The following TMEM132B variants were observed in gnomAD, a reference collection of about 807,000 sequenced individuals.
The protein encoded by TMEM132B is transmembrane protein 132B.
Under a neutral mutation model 90.8 loss-of-function variants are expected in TMEM132B, and 18 were observed. That is an observed-to-expected ratio of 0.20 (90% CI 0.14 to 0.29). The LOEUF is 0.29. Ranked by LOEUF, TMEM132B falls within the 10% of genes least tolerant of loss-of-function variation. The probability of loss-of-function intolerance (pLI) is 1.00; values close to 1 mark genes in which losing one functional copy is unlikely to be tolerated. For missense variants in TMEM132B, 1,096 were observed against 1,326.8 expected, an observed-to-expected ratio of 0.83 and a Z score of 2.70; for synonymous variants, 504 against 523.3, an observed-to-expected ratio of 0.96 and a Z score of 0.50.
chr12:125,347,608 A>T (rs1171178411), intron 1 of TMEM132B, among the ~76,000 whole-genome samples: 1 of 152,192 alleles, frequency 6.6e-6, no homozygotes, highest in East Asian at 1.9e-4. Context: ...ATGGAGTGGG[A>T]TTTCTCTGCT....
At chr12:125,577,865 G>A (rs1398286156) in intron 4 of TMEM132B, among the ~76,000 whole-genome samples, 1 of 151,872 alleles carries the variant, frequency 6.6e-6, no homozygotes, top group Non-Finnish European at 1.5e-5. Context: ...TGAAACATTG[G>A]TTGTTTAAAA....
chr12:125,399,383 T>C (rs1294218226), intron 2 of TMEM132B, among the ~76,000 whole-genome samples: 1 of 152,034 alleles, frequency 6.6e-6, no homozygotes, highest in African/African-American at 2.4e-5. Context: ...TATTTTGTGC[T>C]AGGTTTAGAT....
rs1165717269 is a variant in TMEM132B at position 125,613,162 on chromosome 12, T to TTATA, written c.1437+29172_1437+29175dup. Among the ~76,000 whole-genome samples, 2 of 124,200 alleles carry TTATA rather than the reference T, an allele frequency of 1.6e-5. 1 individual carries two copies. Among genetic ancestry groups the TTATA allele is most frequent in the Non-Finnish European group, 3.2e-5 (2 of 62,482 alleles). The allele number at this position is 124,200 out of a possible 152,430, so 81.5% of individuals were successfully genotyped here. A position where few individuals can be genotyped will look rare whatever the true frequency, so the allele number is the denominator to read the frequency against. On this transcript the variant is annotated intron_variant, in intron 5 of 8. Coordinates refer to ENST00000682704, the MANE Select transcript of TMEM132B (RefSeq NM_001366854.1). ...ATATATAAATATATATCATATATAT[T>TTATA]TATATATTATATATAAATATATATC...
chr12:125,334,292 G>A (rs966947024), intron 1 of TMEM132B, among the ~76,000 whole-genome samples: 3 of 152,156 alleles, frequency 2.0e-5, no homozygotes, highest in Non-Finnish European at 4.4e-5. Context: ...TTGCTACCAG[G>A]ACAGTGGAAA....
intron 3 of TMEM132B, among the ~76,000 whole-genome samples, chr12:125,444,027 G>A (rs1342444443): frequency 1.3e-5 from 2 of 152,134 alleles, no homozygotes; most frequent in African/African-American, 4.8e-5. Flanking sequence ...GTTGAAGGAA[G>A]TGTAGTTTCT....
intron 3 of TMEM132B, among the ~76,000 whole-genome samples, chr12:125,488,745 G>A (rs1169233417): frequency 6.6e-6 from 1 of 152,160 alleles, no homozygotes; most frequent in Non-Finnish European, 1.5e-5. Context: ...AATTATCTGG[G>A]TCTGCCATTT....
intron 5 of TMEM132B, among the ~76,000 whole-genome samples, chr12:125,607,697 A>G (rs1330754340): frequency 6.6e-6 from 1 of 152,174 alleles, no homozygotes; most frequent in African/African-American, 2.4e-5. Context: ...TACCACAAAC[A>G]CTTTAAGAAT....
intron 3 of TMEM132B, among the ~76,000 whole-genome samples, chr12:125,433,523 C>G (rs200547144): frequency 6.2e-5 from 9 of 144,190 alleles, no homozygotes; most frequent in African/African-American, 7.7e-5. Context: ...TTTTTTTTGT[C>G]TTTTTTTTTA....
intron 2 of TMEM132B, among the ~76,000 whole-genome samples, chr12:125,365,590 T>C (rs1489816111): frequency 6.6e-6 from 1 of 152,120 alleles, no homozygotes; most frequent in Non-Finnish European, 1.5e-5. Context: ...AAGTACATAT[T>C]TACTGGCAAT....
intron 3 of TMEM132B, among the ~76,000 whole-genome samples, chr12:125,454,375 CGTGTGTGTGTGTGTGTTTGTGTGT>C (rs1566041111): frequency 8.3e-6 from 1 of 119,856 alleles, no homozygotes; most frequent in Non-Finnish European, 1.7e-5. Context: ...TACAGCCAGC[CGTGTGTGTGTGTGTGTTTGTGTGT>C]GTGTGTGTGT....
At chr12:125,643,754 C>A (rs1037422018) in intron 5 of TMEM132B, among the ~76,000 whole-genome samples, 3 of 151,950 alleles carry the variant, frequency 2.0e-5, no homozygotes, top group African/African-American at 7.3e-5. Context: ...GATTAGTGAT[C>A]GTTTGAGTAC....
chr12:125,302,541 A>G (rs1413164938), intron 1 of TMEM132B, among the ~76,000 whole-genome samples: 1 of 152,126 alleles, frequency 6.6e-6, no homozygotes, highest in Non-Finnish European at 1.5e-5. Flanking sequence ...ACAGACACAC[A>G]ATCTATAACT....
intron 5 of TMEM132B, among the ~76,000 whole-genome samples, chr12:125,624,896 G>A (rs998817607): frequency 1.3e-5 from 2 of 152,086 alleles, no homozygotes; most frequent in African/African-American, 4.8e-5. Context: ...TGCTTTTTGT[G>A]TAGAACTCTA....
chr12:125,397,754 C>T (rs1879208562), intron 2 of TMEM132B, among the ~76,000 whole-genome samples: 1 of 152,178 alleles, frequency 6.6e-6, no homozygotes, highest in Non-Finnish European at 1.5e-5. Context: ...TAGATGTGAT[C>T]TGAAGGAGGA....
Position 125,593,231 on chromosome 12 carries a change from A to G in TMEM132B, c.1437+9237A>G, listed in dbSNP as rs536303182. 7.2e-5 allele frequency among the ~76,000 whole-genome samples: 11 copies of G among 152,314 alleles called. No individual in the cohort carries two copies. In the South Asian group the frequency reaches 2.3e-3, roughly 32 times the overall value. On this transcript the variant is annotated intron_variant, in intron 5 of 8. Transcript: ENST00000682704. ...TCTGTTCTAATTGGAGATGTGTCAT[A>G]TATTTCCTGTTGGCCTGGGATAGAT...
rs116194879 is a variant in TMEM132B, at chr12:125,607,918, C to T, written c.1437+23924C>T. ...ATAATAGTTTCAAGGTTCATTTACA[C>T]AGTAGCAAGTATCAGTTTATTCCTT... On this transcript the variant is annotated intron_variant, in intron 5 of 8. Coordinates refer to ENST00000682704, the MANE Select transcript of TMEM132B (RefSeq NM_001366854.1). 8.6e-3 allele frequency among the ~76,000 whole-genome samples: 1,303 copies of T among 152,302 alleles called. 12 individuals carry two copies. The highest frequency in any genetic ancestry group is 0.027 in the African/African-American group (1,123 of 41,550).
In TMEM132B at chr12:125,492,966, G is replaced by C. The variant is rs1357291848; in HGVS notation, c.1107-26473G>C. The stretch of plus-strand genomic sequence containing the variant: ...GAGCCTTGTGAATGAGAAATACCAG[G>C]CACTCTGAGAAAGGGAGGTGGCACT... On this transcript the variant is annotated intron_variant, in intron 3 of 8. Transcript: ENST00000682704. This position sits in a 1 kb window ranked among gnomAD's most constrained non-coding sequence, Gnocchi z 5.8. Among the ~76,000 whole-genome samples the C allele has an allele frequency of 6.6e-6, 1 of 152,170 alleles. No homozygotes were observed. Among genetic ancestry groups the C allele is most frequent in the African/African-American group, 2.4e-5 (1 of 41,414 alleles).
intron 5 of TMEM132B, among the ~76,000 whole-genome samples, chr12:125,591,497 A>C (rs1404491690): frequency 6.6e-6 from 1 of 152,214 alleles, no homozygotes; most frequent in Non-Finnish European, 1.5e-5. Context: ...TTTGGGGGCC[A>C]CAAGATAATC....
At chr12:125,649,439 C>T (rs73418496) in intron 6 of TMEM132B, among the ~76,000 whole-genome samples, 13,015 of 152,240 alleles carry the variant, frequency 0.085, 837 homozygotes, top group African/African-American at 0.18. Flanking sequence ...GGCCCTGCCT[C>T]GGGAGACAAC....
Sources: gnomAD v4.1 joint callset for allele counts (sites outside exome capture counted in the v4.1 genomes callset) on GRCh38, gnomAD v4.1.1 for gene constraint, Gnocchi (gnomAD v3.1) non-coding constraint, MANE v1.5 for transcripts, NCBI Gene and HGNC (gene_info 2026-07-23, HGNC 2026-07-21) for gene names.